Variants in XDH observed in about 807,000 individuals in gnomAD.
XDH encodes xanthine dehydrogenase.
In XDH, 138 loss-of-function variants were observed where a neutral mutation model predicts 156.1. The ratio of observed to expected loss-of-function variants is 0.88; its 90% confidence interval spans 0.77 to 1.02. XDH has a LOEUF of 1.02. XDH is among the 50% of genes least tolerant of loss of function. XDH has a pLI of 0.00. For missense variants in XDH, 1,849 were observed against 1,684.9 expected (o/e 1.10, Z -1.71); for synonymous variants, 669 against 625.7 (o/e 1.07, Z -1.03).
At position 31,368,066 on chromosome 2, in the gene XDH, C is replaced by A. The variant is rs777844127; in HGVS notation, c.2101-9G>T. 10 of 1,613,476 alleles carry A rather than the reference C, an allele frequency of 6.2e-6. No individual in the cohort carries two copies. In the Admixed American group the frequency reaches 1.7e-4, roughly 27 times the overall value. ...TTGTTCTTTATAGCATCCTGAGGAT[C>A]ACAAAGAAGTTTCAGAAATGTGGCT... On this transcript the variant is annotated splice_polypyrimidine_tract_variant and intron_variant, in intron 19 of 35. Coordinates refer to ENST00000379416, the MANE Select transcript of XDH (RefSeq NM_000379.4).
At position 31,401,221 on chromosome 2, in the gene XDH, T is replaced by A; in HGVS notation, c.305A>T (p.Gln102Leu). Reference protein sequence around the residue: ...GSTKTRLHPVQERIAKSHGSQ... With the variant: ...GSTKTRLHPVLERIAKSHGSQ... The stretch of plus-strand genomic sequence containing the variant: ...CACAGCTCCCTTTCCTCTGTTTACC[T>A]GCACAGGATGCAGCCTCGTCTTGGT... Residue 102 changes from glutamine to leucine, a missense_variant and splice_region_variant, in exon 4 of 36, where the codon CAG (glutamine) becomes CTG (leucine). Transcript: ENST00000379416. 1 of 1,614,130 alleles carries A rather than the reference T, an allele frequency of 6.2e-7. No homozygotes were observed.
Position 31,377,223 on chromosome 2 carries a change from TGAGA to T in XDH, c.1253_1256del (p.Phe418Ter), listed in dbSNP as rs772728863. ...CTCTCCGGGAGGCCTGCTTGAATGC[TGAGA>T]AATACTCCCCCTAAAAGAGATCAGG... is the stretch of plus-strand genomic sequence containing the variant. On this transcript the variant is annotated frameshift_variant, in exon 14 of 36. Transcript: ENST00000379416. LOFTEE classifies it high-confidence loss of function. 6.2e-7 allele frequency: 1 copy of T among 1,614,036 alleles called. No homozygotes were observed. The highest frequency in any genetic ancestry group is 2.2e-5 in the East Asian group (1 of 44,870).
intron 24 of XDH, among the ~76,000 whole-genome samples, chr2:31,353,971 C>T (rs1685559498): frequency 6.6e-6 from 1 of 152,148 alleles, no homozygotes; most frequent in African/African-American, 2.4e-5. Context: ...AACACATTGA[C>T]TTCCCCACCC....
In XDH at chr2:31,342,100, T is replaced by A. The variant is rs1225591438; in HGVS notation, c.3519+83A>T. On this transcript the variant is annotated intron_variant, in intron 32 of 35. Transcript: ENST00000379416. The stretch of plus-strand genomic sequence containing the variant: ...GCATTATTTTTCCAACCAGAAATCT[T>A]GTCTCTATCAGCTCTAGGTATTACA... 5 of 1,265,686 alleles carry A rather than the reference T, an allele frequency of 4.0e-6. No homozygotes were observed. In the Admixed American group the frequency reaches 8.6e-5, roughly 22 times the overall value. The allele number at this position is 1,265,686 out of a possible 1,614,324, so 78.4% of individuals were successfully genotyped here.
At chr2:31,368,690 G>T (rs201745250) in intron 18 of XDH, 30 bp from the exon 19 acceptor site, 1 of 1,614,174 alleles carries the variant, frequency 6.2e-7, no homozygotes, top group Admixed American at 1.7e-5. Context: ...GTTAAAGAAC[G>T]CAACCAGGCT....
At chr2:31,390,392 T>C (rs577271129) in intron 6 of XDH, among the ~76,000 whole-genome samples, 1 of 152,380 alleles carries the variant, frequency 6.6e-6, no homozygotes, top group South Asian at 2.1e-4. Flanking sequence ...TATTTGGATG[T>C]TCTACAGTTT....
chr2:31,381,159 C>T (rs1686428129), intron 12 of XDH, among the ~76,000 whole-genome samples: 1 of 152,002 alleles, frequency 6.6e-6, no homozygotes, highest in Non-Finnish European at 1.5e-5. Context: ...CCACACCCAG[C>T]TAATTTTAGT....
intron 9 of XDH, among the ~76,000 whole-genome samples, chr2:31,384,870 T>G (rs1686540930): frequency 6.6e-6 from 1 of 152,198 alleles, no homozygotes; most frequent in South Asian, 2.1e-4. Context: ...GGTTTTCTCT[T>G]TGTCTGCCTT....
chr2:31,406,179 T>G (rs907281442), intron 1 of XDH, among the ~76,000 whole-genome samples: 3 of 152,186 alleles, frequency 2.0e-5, no homozygotes, highest in Non-Finnish European at 4.4e-5. Flanking sequence ...GGGGGCAGAT[T>G]TCTCATGAAT....
intron 6 of XDH, among the ~76,000 whole-genome samples, chr2:31,388,708 T>C (rs888868708): frequency 2.6e-5 from 4 of 152,290 alleles, no homozygotes; most frequent in Admixed American, 1.3e-4. Context: ...TCTAGGGGCG[T>C]GGCTGGTGTC....
intron 8 of XDH, among the ~76,000 whole-genome samples, chr2:31,386,959 GGAGA>G (rs1686617929): frequency 2.8e-5 from 3 of 105,346 alleles, no homozygotes; most frequent in African/African-American, 7.1e-5. Context: ...AGGGAGGGAG[GGAGA>G]GAGGGAGGGA....
chr2:31,414,019 CTG>C (rs1687411338), intron 1 of XDH, among the ~76,000 whole-genome samples: 1 of 151,970 alleles, frequency 6.6e-6, no homozygotes, highest in African/African-American at 2.4e-5. Context: ...GTAGAACTCA[CTG>C]TGTGTGGGTG....
intron 6 of XDH, among the ~76,000 whole-genome samples, chr2:31,395,847 T>C (rs937100856): frequency 2.0e-5 from 3 of 152,204 alleles, no homozygotes; most frequent in Non-Finnish European, 4.4e-5. Flanking sequence ...CTTGTTTAGA[T>C]GAAATAAAGA....
chr2:31,410,346 GT>G (rs1385936398), intron 1 of XDH, among the ~76,000 whole-genome samples: 1 of 152,054 alleles, frequency 6.6e-6, no homozygotes, highest in Non-Finnish European at 1.5e-5. Context: ...CCACTGAACT[GT>G]ACACATAAAA....
intron 24 of XDH, among the ~76,000 whole-genome samples, chr2:31,352,111 T>C (rs1487548064): frequency 6.6e-6 from 1 of 152,192 alleles, no homozygotes; most frequent in African/African-American, 2.4e-5. Flanking sequence ...TTCTGAAATG[T>C]CTATGATTTG....
At chr2:31,349,147 C>T (rs1369256290) in intron 26 of XDH, among the ~76,000 whole-genome samples, 167 bp from the exon 27 acceptor site, 1 of 152,220 alleles carries the variant, frequency 6.6e-6, no homozygotes, top group African/African-American at 2.4e-5. Flanking sequence ...ACTCTTCTTC[C>T]CTGAGTGCAA....
Position 31,375,403 on chromosome 2 carries a change from G to A in XDH, c.1579C>T (p.Leu527=). The stretch of plus-strand genomic sequence containing the variant: ...ACGTCTTCCAGGTTCTCTTGGCCCA[G>A]CTTCTGAAGGACTGTCAGGTAGAAC... ...FKFYLTVLQK[L]GQENLEDKCG... is the part of the protein sequence containing the mutation. The change falls in exon 15 of 36, where the codon CTG becomes TTG. Residue 527 remains leucine, a synonymous_variant. Coordinates refer to ENST00000379416, the MANE Select transcript of XDH (RefSeq NM_000379.4). 6.2e-7 allele frequency: 1 copy of A among 1,614,178 alleles called. No individual in the cohort carries two copies. Among genetic ancestry groups the A allele is most frequent in the Non-Finnish European group, 8.5e-7 (1 of 1,180,036 alleles).
Position 31,370,344 on chromosome 2 carries a change from C to A in XDH, c.1980+11G>T, listed in dbSNP as rs1179569668. The A allele has an allele frequency of 2.5e-6, 4 of 1,613,964 alleles. No homozygotes were observed. Among genetic ancestry groups the A allele is most frequent in the Non-Finnish European group, 3.4e-6 (4 of 1,179,986 alleles). On this transcript the variant is annotated intron_variant, in intron 18 of 35. Transcript: ENST00000379416. ...TTCAATTTACTTCATATAAAAAAAT[C>A]CAAGACTTACCTTATCCTTCGCAAA...
At chr2:31,340,629 C>G (rs1685101087) in intron 33 of XDH, among the ~76,000 whole-genome samples, 1 of 152,046 alleles carries the variant, frequency 6.6e-6, no homozygotes, top group East Asian at 1.9e-4. Context: ...GCCACCACAC[C>G]CAGCTAATTT....
Sources: gnomAD v4.1 joint callset for allele counts (sites outside exome capture counted in the v4.1 genomes callset) on GRCh38, gnomAD v4.1.1 for gene constraint, MANE v1.5 for transcripts, NCBI Gene and HGNC (gene_info 2026-07-23, HGNC 2026-07-21) for gene names.